ITSN2: variants seen among roughly 807,000 people sequenced by gnomAD.
ITSN2 encodes the protein intersectin-2.
Under a neutral mutation model 243.7 loss-of-function variants are expected in ITSN2, and 156 were observed. The observed-to-expected ratio is 0.64, with a 90% CI of 0.56 to 0.73. The LOEUF (loss-of-function observed/expected upper bound fraction) is 0.73, where lower values mean the gene tolerates loss of function less well. Among genes scored for constraint, ITSN2 ranks in the 30% least tolerant of loss-of-function variants. The pLI is 0.00. For missense variants in ITSN2, 1,801 were observed against 1,996.1 expected (o/e 0.90, Z 1.86); for synonymous variants, 703 against 699.9 (o/e 1.00, Z -0.07).
chr2:24,294,637 G>A (rs2151620741), intron 14 of ITSN2, among the ~76,000 whole-genome samples: 1 of 152,158 alleles, frequency 6.6e-6, no homozygotes. Flanking sequence ...GCACAAGTAA[G>A]GAAGAGAATT....
intron 14 of ITSN2, among the ~76,000 whole-genome samples, chr2:24,294,597 C>T (rs1437280984): frequency 6.6e-6 from 1 of 152,004 alleles, no homozygotes; most frequent in Non-Finnish European, 1.5e-5. Flanking sequence ...CCCCATTCTG[C>T]AAATAGTAAT....
intron 1 of ITSN2, among the ~76,000 whole-genome samples, chr2:24,350,342 C>T (rs1243390567): frequency 6.6e-6 from 1 of 152,140 alleles, no homozygotes. Flanking sequence ...TAAAATTAAC[C>T]TCCTAAACTG....
At chr2:24,243,954 A>C (rs1353961040) in intron 29 of ITSN2, among the ~76,000 whole-genome samples, 2 of 152,222 alleles carry the variant, frequency 1.3e-5, no homozygotes, top group Admixed American at 6.5e-5. Flanking sequence ...GAGAGTGGAG[A>C]TATAGACTGT....
At chr2:24,271,647 G>C (rs1677360303) in intron 19 of ITSN2, 119 bp downstream of exon 19, 1 of 1,275,440 alleles carries the variant, frequency 7.8e-7, no homozygotes, top group Non-Finnish European at 1.0e-6. Flanking sequence ...TTTATAAAAA[G>C]GTTTTTTCTG....
intron 25 of ITSN2, among the ~76,000 whole-genome samples, chr2:24,250,848 C>T (rs1229648280): frequency 6.6e-6 from 1 of 151,920 alleles, no homozygotes; most frequent in Admixed American, 6.5e-5. Flanking sequence ...AAAATGTCAC[C>T]GACTGAATAC....
At chr2:24,314,081 A>G (rs1045764148) in intron 3 of ITSN2, among the ~76,000 whole-genome samples, 1 of 152,072 alleles carries the variant, frequency 6.6e-6, no homozygotes, top group African/African-American at 2.4e-5. Context: ...GGGTTCCCCA[A>G]ATTCAGTGTT....
chr2:24,348,858 A>T (rs995490808), intron 1 of ITSN2, among the ~76,000 whole-genome samples: 7 of 152,368 alleles, frequency 4.6e-5, no homozygotes, highest in Non-Finnish European at 5.9e-5. Flanking sequence ...GAAGTTTTTT[A>T]AAAAATTACC....
intron 8 of ITSN2, among the ~76,000 whole-genome samples, chr2:24,304,754 G>C (rs1439152621): frequency 1.3e-5 from 2 of 152,238 alleles, no homozygotes; most frequent in East Asian, 3.9e-4. Context: ...TCAGGCAATA[G>C]AGCAAACAGA....
Position 24,209,870 on chromosome 2 carries a change from G to C in ITSN2, c.4421C>G (p.Ser1474Cys). Residue 1474 changes from serine to cysteine, a missense_variant, in exon 35 of 40, where the codon TCT becomes TGT. Physicochemically the swap from Ser to Cys is moderately radical, Grantham distance 112 (BLOSUM62 -1). Coordinates refer to ENST00000355123, the MANE Select transcript of ITSN2 (RefSeq NM_006277.3). ...MVKQFAVSSGSEKLFSSKSNA... is the reference protein window; with the variant it reads ...MVKQFAVSSGCEKLFSSKSNA... ...GGACTTCGAGCTGAAAAGTTTCTCA[G>C]AGCCAGAGGAAACAGCAAACTGCTT... The C allele has an allele frequency of 6.2e-7, 1 of 1,614,228 alleles. No homozygotes were observed. The highest frequency in any genetic ancestry group is 8.5e-7 in the Non-Finnish European group (1 of 1,180,052).
chr2:24,208,393 A>C (rs1010509821), intron 36 of ITSN2, 74 bp from the exon 37 acceptor site: 10 of 1,102,410 alleles, frequency 9.1e-6, no homozygotes, highest in Non-Finnish European at 1.4e-5. Flanking sequence ...AGAGCTCTGC[A>C]CATGTTCTTC....
rs777512017 is a variant in ITSN2 at position 24,284,822 on chromosome 2, CAG to C, written c.1883_1884del (p.Ser628CysfsTer20). Reference protein sequence around the residue: ...NQLKCGNMDDSVLQCLLSLLS... With the variant: ...NQLKCGNMDDXVLQCLLSLLS... ...AGCAGAGACAAAAGGCACTGAAGAA[CAG>C]AGTCATCCATATTCCCACACTGTAA... On this transcript the variant is annotated frameshift_variant, in exon 17 of 40. Coordinates refer to ENST00000355123, the MANE Select transcript of ITSN2 (RefSeq NM_006277.3). LOFTEE classifies it high-confidence loss of function. 6 of 1,598,934 alleles carry C rather than the reference CAG, an allele frequency of 3.8e-6. No individual in the cohort carries two copies. Among genetic ancestry groups the C allele is most frequent in the Non-Finnish European group, 4.3e-6 (5 of 1,169,152 alleles).
At chr2:24,322,070 C>T (rs1295533924) in intron 2 of ITSN2, among the ~76,000 whole-genome samples, 1 of 152,096 alleles carries the variant, frequency 6.6e-6, no homozygotes, top group Non-Finnish European at 1.5e-5. Context: ...GGGTAAGATG[C>T]TCATGTTCCT....
Position 24,248,899 on chromosome 2 carries a change from C to A in ITSN2, c.3121-17G>T, listed in dbSNP as rs1313084970. 2.5e-6 allele frequency: 4 copies of A among 1,611,480 alleles called. No homozygotes were observed. The highest frequency in any genetic ancestry group is 2.5e-6 in the Non-Finnish European group (3 of 1,177,942). ...CCCAAAACTCTACAAGGAAAAGATA[C>A]CGTGTTGTTTTATTATTTCCAACAA... is the stretch of plus-strand genomic sequence containing the variant. On this transcript the variant is annotated splice_polypyrimidine_tract_variant and intron_variant, in intron 25 of 39. Transcript: ENST00000355123.
chr2:24,260,085 TA>T (rs1195460439), intron 22 of ITSN2, among the ~76,000 whole-genome samples: 2 of 152,162 alleles, frequency 1.3e-5, no homozygotes, highest in Non-Finnish European at 2.9e-5. Context: ...TATGCCCGGC[TA>T]ATTTTTAAAT....
intron 29 of ITSN2, among the ~76,000 whole-genome samples, chr2:24,234,259 C>A (rs779865934): frequency 6.9e-6 from 1 of 145,688 alleles, no homozygotes; most frequent in African/African-American, 2.5e-5. Context: ...GATGCTGGAA[C>A]AACTGGCCAT....
intron 15 of ITSN2, among the ~76,000 whole-genome samples, chr2:24,291,479 C>T (rs1358351354): frequency 2.2e-5 from 3 of 137,418 alleles, no homozygotes; most frequent in Non-Finnish European, 4.6e-5. Context: ...CTGCATATTT[C>T]TTCTTCTTCC....
intron 23 of ITSN2, among the ~76,000 whole-genome samples, chr2:24,255,521 G>T (rs1674905513): frequency 6.6e-6 from 1 of 152,076 alleles, no homozygotes; most frequent in Non-Finnish European, 1.5e-5. Context: ...CCAGTTACTT[G>T]GGAGGTTGAA....
intron 29 of ITSN2, among the ~76,000 whole-genome samples, chr2:24,243,118 T>C (rs1239613287): frequency 1.3e-5 from 2 of 152,220 alleles, no homozygotes; most frequent in Admixed American, 1.3e-4. Context: ...TCTTCTGTTG[T>C]ATCTTTCACA....
intron 1 of ITSN2, among the ~76,000 whole-genome samples, chr2:24,342,979 T>TACTC (rs1016236547): frequency 7.3e-5 from 11 of 151,626 alleles, no homozygotes; most frequent in African/African-American, 2.4e-4. Context: ...TGGTCCCAAG[T>TACTC]ACTCAGGAGG....
Sources: gnomAD v4.1 joint callset for allele counts (sites outside exome capture counted in the v4.1 genomes callset) on GRCh38, gnomAD v4.1.1 for gene constraint, MANE v1.5 for transcripts, NCBI Gene and HGNC (gene_info 2026-07-23, HGNC 2026-07-21) for gene names.